NCBP2AS2: variants seen among roughly 807,000 people sequenced by gnomAD.
The protein encoded by NCBP2AS2 is protein NCBP2AS2.
For synonymous variants in NCBP2AS2, 67 were observed against 28.0 expected (o/e 2.39, Z -4.40); for missense variants, 125 against 56.0 (o/e 2.23, Z -3.93).
At position 196,943,033 on chromosome 3, in the gene NCBP2AS2, GC is replaced by G. The variant is rs1716692716; in HGVS notation, c.*19del. On this transcript the variant is annotated 3_prime_UTR_variant, in exon 1 of 1. Transcript: ENST00000602845. ...AACATTTAATCCTGGGCTGTGCGGG[GC>G]CGAGGCCGCTTGCTTTTCCTTCCGG... 1.5e-6 allele frequency: 1 copy of G among 657,132 alleles called. No individual in the cohort carries two copies. The highest frequency in any genetic ancestry group is 1.9e-5 in the African/African-American group (1 of 52,276). The allele number at this position is 657,132 out of a possible 1,614,324, so 40.7% of individuals were successfully genotyped here.
Position 196,942,695 on chromosome 3 carries a change from G to T in NCBP2AS2, c.-22G>T. 1.3e-6 allele frequency: 1 copy of T among 742,926 alleles called. No homozygotes were observed. The highest frequency in any genetic ancestry group is 1.5e-5 in the South Asian group (1 of 66,172). 46.0% of individuals were successfully genotyped at this position (742,926 alleles called of 1,614,324 possible). A position where few individuals can be genotyped will look rare whatever the true frequency, so the allele number is the denominator to read the frequency against. On this transcript the variant is annotated 5_prime_UTR_variant, in exon 1 of 1. Coordinates refer to ENST00000602845, the MANE Select transcript of NCBP2AS2 (RefSeq NM_001355243.2). Reference sequence around the variant, plus strand: ...GGCGGAAGACGAGGGCGGCGAGGTCGGGTTCCGGGCGCTTGGAGAAGATGG... The same window carrying T: ...GGCGGAAGACGAGGGCGGCGAGGTCTGGTTCCGGGCGCTTGGAGAAGATGG...
chr3:196,942,697 G>C lies in NCBP2AS2; in HGVS notation c.-20G>C, dbSNP rs768440977. 5 of 740,696 alleles carry C rather than the reference G, an allele frequency of 6.8e-6. No individual in the cohort carries two copies. The East Asian group carries it at 1.1e-4, about 16-fold the overall frequency. The allele number at this position is 740,696 out of a possible 1,614,324, so 45.9% of individuals were successfully genotyped here. ...CGGAAGACGAGGGCGGCGAGGTCGG[G>C]TTCCGGGCGCTTGGAGAAGATGGTG... On this transcript the variant is annotated 5_prime_UTR_variant, in exon 1 of 1. Transcript: ENST00000602845.
At position 196,943,047 on chromosome 3, in the gene NCBP2AS2, C is replaced by G. The variant is rs1225337727; in HGVS notation, c.*31C>G. Reference sequence around the variant, plus strand: ...GGCTGTGCGGGGCCGAGGCCGCTTGCTTTTCCTTCCGGGCTCTACAGTGGC... The same window carrying G: ...GGCTGTGCGGGGCCGAGGCCGCTTGGTTTTCCTTCCGGGCTCTACAGTGGC... On this transcript the variant is annotated 3_prime_UTR_variant, in exon 1 of 1. Coordinates refer to ENST00000602845, the MANE Select transcript of NCBP2AS2 (RefSeq NM_001355243.2). 4 of 648,008 alleles carry G rather than the reference C, an allele frequency of 6.2e-6. No individual in the cohort carries two copies. The highest frequency in any genetic ancestry group is 1.9e-5 in the African/African-American group (1 of 51,622). 40.1% of individuals were successfully genotyped at this position (648,008 alleles called of 1,614,324 possible). A position where few individuals can be genotyped will look rare whatever the true frequency, so the allele number is the denominator to read the frequency against.
Position 196,943,408 on chromosome 3 carries a change from A to G in NCBP2AS2, c.*392A>G. The G allele has an allele frequency of 5.2e-6, 1 of 191,912 alleles. No individual in the cohort carries two copies. Among genetic ancestry groups the G allele is most frequent in the South Asian group, 1.1e-4 (1 of 9,256 alleles). 11.9% of individuals were successfully genotyped at this position (191,912 alleles called of 1,614,324 possible). A position where few individuals can be genotyped will look rare whatever the true frequency, so the allele number is the denominator to read the frequency against. The stretch of plus-strand genomic sequence containing the variant: ...ACGATATGGATGAAAAGACAACCCT[A>G]CAGCTGCCAAATTCCTTTGATTAAA... On this transcript the variant is annotated 3_prime_UTR_variant, in exon 1 of 1. Coordinates refer to ENST00000602845, the MANE Select transcript of NCBP2AS2 (RefSeq NM_001355243.2).
chr3:196,942,876 C>G lies in NCBP2AS2; in HGVS notation c.160C>G (p.Leu54Val), dbSNP rs1230931269. ...GGACGCGGCCCGCCGCCTGCAGGAC[C>G]TCGCGGCTGGGCCCGTGGGCTCCCT... The part of the protein sequence containing the change: ...GQDAARRLQD[L>V]AAGPVGSLCR... Residue 54 changes from leucine (L) to valine (V), a missense_variant, in exon 1 of 1, where the codon CTC (leucine) becomes GTC (valine). Leu to Val is a conservative substitution (Grantham distance 32, BLOSUM62 1). Coordinates refer to ENST00000602845, the MANE Select transcript of NCBP2AS2 (RefSeq NM_001355243.2). 2 of 699,622 alleles carry G rather than the reference C, an allele frequency of 2.9e-6. No homozygotes were observed. The highest frequency in any genetic ancestry group is 2.0e-5 in the Admixed American group (1 of 49,838). The allele number at this position is 699,622 out of a possible 1,614,324, so 43.3% of individuals were successfully genotyped here.
rs1716678853 is a variant in NCBP2AS2 at position 196,942,828 on chromosome 3, C to A, written c.112C>A (p.Leu38Met). The change falls in exon 1 of 1, where the codon CTG becomes ATG. Residue 38 changes from leucine to methionine, a missense_variant. Physicochemically the swap from Leu to Met is conservative, Grantham distance 15. Transcript: ENST00000602845. ...RAAQLTAFAL[L>M]QAQLRGQDAA... ...GGCGCAGCTCACGGCCTTCGCACTG[C>A]TGCAGGCCCAGCTGCGGGGCCAGGA... 4 of 698,996 alleles carry A rather than the reference C, an allele frequency of 5.7e-6. No homozygotes were observed. The highest frequency in any genetic ancestry group is 1.0e-5 in the Non-Finnish European group (4 of 383,398). The allele number at this position is 698,996 out of a possible 1,614,324, so 43.3% of individuals were successfully genotyped here. A position where few individuals can be genotyped will look rare whatever the true frequency, so the allele number is the denominator to read the frequency against.
In NCBP2AS2 at chr3:196,943,131, G is replaced by A. The variant is rs1186501274; in HGVS notation, c.*115G>A. 6.7e-6 allele frequency: 4 copies of A among 595,118 alleles called. No homozygotes were observed. The highest frequency in any genetic ancestry group is 1.2e-5 in the Non-Finnish European group (4 of 339,092). 36.9% of individuals were successfully genotyped at this position (595,118 alleles called of 1,614,324 possible). A position where few individuals can be genotyped will look rare whatever the true frequency, so the allele number is the denominator to read the frequency against. On this transcript the variant is annotated 3_prime_UTR_variant, in exon 1 of 1. Transcript: ENST00000602845. ...GCGGCTTCGAATCCCGACTGGGATT[G>A]TTGGCCTGCAGACATCCCACGCATA...
rs746064872 is a variant in NCBP2AS2, at chr3:196,942,902, G to T, written c.186G>T (p.Leu62=). The T allele has an allele frequency of 2.1e-5, 15 of 700,740 alleles. No homozygotes were observed. Among genetic ancestry groups the T allele is most frequent in the Middle Eastern group, 2.3e-4 (1 of 4,330 alleles). The allele number at this position is 700,740 out of a possible 1,614,324, so 43.4% of individuals were successfully genotyped here. The change falls in exon 1 of 1, where the codon CTG becomes CTT. Residue 62 remains leucine, a synonymous_variant. Coordinates refer to ENST00000602845, the MANE Select transcript of NCBP2AS2 (RefSeq NM_001355243.2). The part of the protein sequence containing the change: ...QDLAAGPVGS[L]CRRAERFRDA... Reference sequence around the variant, plus strand: ...TCGCGGCTGGGCCCGTGGGCTCCCTGTGCCGCCGCGCTGAGCGATTTAGAG... The same window carrying T: ...TCGCGGCTGGGCCCGTGGGCTCCCTTTGCCGCCGCGCTGAGCGATTTAGAG...
In NCBP2AS2 at chr3:196,942,773, T is replaced by G. The variant is rs1716675755; in HGVS notation, c.57T>G (p.Arg19=). The change falls in exon 1 of 1, where the codon CGT becomes CGG. Residue 19 remains arginine, a synonymous_variant. Transcript: ENST00000602845. ...TGCACAGCCCGCAGCTGGTGGAACG[T>G]CTGTCAGAGTCGCGGCCTATCCGAC... ...ALLHSPQLVE[R]LSESRPIRRA... 1.4e-6 allele frequency: 1 copy of G among 699,942 alleles called. No individual in the cohort carries two copies. Among genetic ancestry groups the G allele is most frequent in the Non-Finnish European group, 2.6e-6 (1 of 384,240 alleles). The allele number at this position is 699,942 out of a possible 1,614,324, so 43.4% of individuals were successfully genotyped here. A position where few individuals can be genotyped will look rare whatever the true frequency, so the allele number is the denominator to read the frequency against.
At position 196,942,917 on chromosome 3, in the gene NCBP2AS2, G is replaced by A. The variant is rs1386066565; in HGVS notation, c.201G>A (p.Glu67=). Residue 67 remains glutamate (E), a synonymous_variant, in exon 1 of 1, where the codon GAG becomes GAA. Transcript: ENST00000602845. Reference sequence around the variant, plus strand: ...TGGGCTCCCTGTGCCGCCGCGCTGAGCGATTTAGAGACGCCTTCACCCAGG... The same window carrying A: ...TGGGCTCCCTGTGCCGCCGCGCTGAACGATTTAGAGACGCCTTCACCCAGG... ...GPVGSLCRRA[E]RFRDAFTQEL... is the part of the protein sequence containing the mutation. 7 of 700,988 alleles carry A rather than the reference G, an allele frequency of 1.0e-5. No individual in the cohort carries two copies. Among genetic ancestry groups the A allele is most frequent in the Admixed American group, 4.0e-5 (2 of 49,906 alleles). 43.4% of individuals were successfully genotyped at this position (700,988 alleles called of 1,614,324 possible).
rs1329622801 is a variant in NCBP2AS2, at chr3:196,943,033, G to A, written c.*17G>A. 1.5e-6 allele frequency: 1 copy of A among 657,250 alleles called. No homozygotes were observed. The highest frequency in any genetic ancestry group is 2.7e-6 in the Non-Finnish European group (1 of 370,492). The allele number at this position is 657,250 out of a possible 1,614,324, so 40.7% of individuals were successfully genotyped here. A position where few individuals can be genotyped will look rare whatever the true frequency, so the allele number is the denominator to read the frequency against. On this transcript the variant is annotated 3_prime_UTR_variant, in exon 1 of 1. Transcript: ENST00000602845. ...AACATTTAATCCTGGGCTGTGCGGG[G>A]CCGAGGCCGCTTGCTTTTCCTTCCG...
rs1011088841 is a variant in NCBP2AS2, at chr3:196,943,056, C to T, written c.*40C>T. 9 of 647,414 alleles carry T rather than the reference C, an allele frequency of 1.4e-5. No homozygotes were observed. The highest frequency in any genetic ancestry group is 1.9e-5 in the African/African-American group (1 of 51,628). The allele number at this position is 647,414 out of a possible 1,614,324, so 40.1% of individuals were successfully genotyped here. A position where few individuals can be genotyped will look rare whatever the true frequency, so the allele number is the denominator to read the frequency against. On this transcript the variant is annotated 3_prime_UTR_variant, in exon 1 of 1. Transcript: ENST00000602845. Reference sequence around the variant, plus strand: ...GGGCCGAGGCCGCTTGCTTTTCCTTCCGGGCTCTACAGTGGCATCAATGTG... The same window carrying T: ...GGGCCGAGGCCGCTTGCTTTTCCTTTCGGGCTCTACAGTGGCATCAATGTG...
rs945646360 is a variant in NCBP2AS2 at position 196,942,732 on chromosome 3, C to A, written c.16C>A (p.Leu6Met). 8.6e-6 allele frequency: 6 copies of A among 700,000 alleles called. No individual in the cohort carries two copies. Among genetic ancestry groups the A allele is most frequent in the Admixed American group, 2.1e-5 (1 of 47,070 alleles). The allele number at this position is 700,000 out of a possible 1,614,324, so 43.4% of individuals were successfully genotyped here. ...CTTGGAGAAGATGGTGCTGCGGCGG[C>A]TGCTGGCCGCCCTGCTGCACAGCCC... MVLRR[L>M]LAALLHSPQL... The change falls in exon 1 of 1, where the codon CTG becomes ATG. Residue 6 changes from leucine to methionine, a missense_variant. Physicochemically the swap from Leu to Met is conservative, Grantham distance 15 (BLOSUM62 2). Transcript: ENST00000602845.
rs746152877 is a variant in NCBP2AS2 at position 196,942,676 on chromosome 3, A to G, written c.-41A>G. The G allele has an allele frequency of 4.8e-6, 4 of 831,988 alleles. No homozygotes were observed. In the East Asian group the frequency reaches 1.1e-4, roughly 22 times the overall value. The allele number at this position is 831,988 out of a possible 1,614,324, so 51.5% of individuals were successfully genotyped here. On this transcript the variant is annotated 5_prime_UTR_variant, in exon 1 of 1. Transcript: ENST00000602845. ...TCCGGGTCGGGCGCCGCGGGGCGGA[A>G]GACGAGGGCGGCGAGGTCGGGTTCC...
At position 196,942,987 on chromosome 3, in the gene NCBP2AS2, A is replaced by G. The variant is rs1302486276; in HGVS notation, c.271A>G (p.Ser91Gly). 1.3e-5 allele frequency: 9 copies of G among 692,072 alleles called. No individual in the cohort carries two copies. The highest frequency in any genetic ancestry group is 2.1e-5 in the Non-Finnish European group (8 of 381,944). 42.9% of individuals were successfully genotyped at this position (692,072 alleles called of 1,614,324 possible). A position where few individuals can be genotyped will look rare whatever the true frequency, so the allele number is the denominator to read the frequency against. Residue 91 changes from serine (S) to glycine (G), a missense_variant, in exon 1 of 1, where the codon AGC becomes GGC. Physicochemically the swap from Ser to Gly is moderately conservative, Grantham distance 56. Coordinates refer to ENST00000602845, the MANE Select transcript of NCBP2AS2 (RefSeq NM_001355243.2). ...AGGCCGCTCGGGGCCACCACCAGGT[A>G]GCCAGAGGGGCCCTGGCGCAAACAT... ...LRGRSGPPPG[S>G]QRGPGANI
At position 196,942,705 on chromosome 3, in the gene NCBP2AS2, C is replaced by T. The variant is rs879354310; in HGVS notation, c.-12C>T. The T allele has an allele frequency of 1.9e-5, 14 of 722,472 alleles. No individual in the cohort carries two copies. The highest frequency in any genetic ancestry group is 3.1e-5 in the Non-Finnish European group (13 of 413,038). The allele number at this position is 722,472 out of a possible 1,614,324, so 44.8% of individuals were successfully genotyped here. ...GAGGGCGGCGAGGTCGGGTTCCGGG[C>T]GCTTGGAGAAGATGGTGCTGCGGCG... On this transcript the variant is annotated 5_prime_UTR_variant, in exon 1 of 1. Coordinates refer to ENST00000602845, the MANE Select transcript of NCBP2AS2 (RefSeq NM_001355243.2).
chr3:196,943,034 C>T lies in NCBP2AS2; in HGVS notation c.*18C>T, dbSNP rs576269647. On this transcript the variant is annotated 3_prime_UTR_variant, in exon 1 of 1. Coordinates refer to ENST00000602845, the MANE Select transcript of NCBP2AS2 (RefSeq NM_001355243.2). ...ACATTTAATCCTGGGCTGTGCGGGG[C>T]CGAGGCCGCTTGCTTTTCCTTCCGG... is the stretch of plus-strand genomic sequence containing the variant. 94 of 656,976 alleles carry T rather than the reference C, an allele frequency of 1.4e-4. 1 individual carries two copies. In the South Asian group the frequency reaches 1.5e-3, roughly 11 times the overall value. The allele number at this position is 656,976 out of a possible 1,614,324, so 40.7% of individuals were successfully genotyped here. A position where few individuals can be genotyped will look rare whatever the true frequency, so the allele number is the denominator to read the frequency against.
Position 196,943,353 on chromosome 3 carries a change from A to C in NCBP2AS2, c.*337A>C, listed in dbSNP as rs1026722861. The C allele has an allele frequency of 1.0e-5, 3 of 295,068 alleles. No individual in the cohort carries two copies. Among genetic ancestry groups the C allele is most frequent in the African/African-American group, 6.8e-5 (3 of 44,080 alleles). The allele number at this position is 295,068 out of a possible 1,614,324, so 18.3% of individuals were successfully genotyped here. The stretch of plus-strand genomic sequence containing the variant: ...CTCTTGACAGATGCTGCTCAATCTG[A>C]CTGGTATAGCAGGACAGTTAATTCC... On this transcript the variant is annotated 3_prime_UTR_variant, in exon 1 of 1. Transcript: ENST00000602845.
Position 196,943,134 on chromosome 3 carries a change from G to A in NCBP2AS2, c.*118G>A. 5.1e-6 allele frequency: 3 copies of A among 591,528 alleles called. No individual in the cohort carries two copies. Among genetic ancestry groups the A allele is most frequent in the Non-Finnish European group, 8.9e-6 (3 of 337,466 alleles). The allele number at this position is 591,528 out of a possible 1,614,324, so 36.6% of individuals were successfully genotyped here. On this transcript the variant is annotated 3_prime_UTR_variant, in exon 1 of 1. Transcript: ENST00000602845. ...GCTTCGAATCCCGACTGGGATTGTTGGCCTGCAGACATCCCACGCATAAGA... is the reference window on the plus strand; with the variant it reads ...GCTTCGAATCCCGACTGGGATTGTTAGCCTGCAGACATCCCACGCATAAGA...
Sources: gnomAD v4.1 joint callset for allele counts on GRCh38, gnomAD v4.1.1 for gene constraint, MANE v1.5 for transcripts, NCBI Gene and HGNC (gene_info 2026-07-23, HGNC 2026-07-21) for gene names.